Variants in PSMC2 observed in about 807,000 individuals in gnomAD.
PSMC2 encodes the protein 26S proteasome regulatory subunit 7.
In PSMC2, 7 loss-of-function variants were observed where a neutral mutation model predicts 53.3. The observed-to-expected ratio is 0.13, with a 90% CI of 0.07 to 0.25. The LOEUF is 0.25. Among genes scored for constraint, PSMC2 ranks in the 10% least tolerant of loss-of-function variants. The pLI, the probability that PSMC2 is intolerant of heterozygous loss-of-function variation, is 1.00. For synonymous variants in PSMC2, 169 were observed against 183.9 expected, an observed-to-expected ratio of 0.92 and a Z score of 0.66; for missense variants, 241 against 544.0, an observed-to-expected ratio of 0.44 and a Z score of 5.54.
chr7:103,365,957 G>C, intron 8 of PSMC2, 119 bp from the exon 9 acceptor site: 1 of 776,988 alleles, frequency 1.3e-6, no homozygotes, highest in Non-Finnish European at 2.0e-6. Flanking sequence ...AAACGTTTAG[G>C]TAATAATGGG....
At chr7:103,357,911 G>T (rs1338746435) in intron 4 of PSMC2, among the ~76,000 whole-genome samples, 2 of 152,044 alleles carry the variant, frequency 1.3e-5, no homozygotes, top group Middle Eastern at 6.8e-3. Flanking sequence ...GTGTTCTCTC[G>T]GTTTCATTTT....
chr7:103,347,790 A>G lies in PSMC2; in HGVS notation c.70+9A>G. 1 of 1,613,770 alleles carries G rather than the reference A, an allele frequency of 6.2e-7. No homozygotes were observed. The highest frequency in any genetic ancestry group is 8.5e-7 in the Non-Finnish European group (1 of 1,179,782). Reference sequence around the variant, plus strand: ...CGACAAGCCCATCCGAGGTCAGTTGACATGGGCCGGAGCTCGGAGCTGGGG... The same window carrying G: ...CGACAAGCCCATCCGAGGTCAGTTGGCATGGGCCGGAGCTCGGAGCTGGGG... On this transcript the variant is annotated intron_variant, in intron 1 of 11. Coordinates refer to ENST00000292644, the MANE Select transcript of PSMC2 (RefSeq NM_002803.4).
Position 103,362,744 on chromosome 7 carries a change from G to A in PSMC2, c.481G>A (p.Val161Ile). The A allele has an allele frequency of 6.4e-7, 1 of 1,571,596 alleles. No individual in the cohort carries two copies. Among genetic ancestry groups the A allele is most frequent in the Non-Finnish European group, 8.7e-7 (1 of 1,145,484 alleles). The change falls in exon 6 of 12, where the codon GTT becomes ATT. Residue 161 changes from valine (V) to isoleucine (I), a missense_variant. This residue lies in a region of PSMC2 where 75 missense variants were observed against 185.1 expected (regional missense o/e 0.41). Coordinates refer to ENST00000292644, the MANE Select transcript of PSMC2 (RefSeq NM_002803.4). ...IPLPPKIDPT[V>I]TMMQVEEKPD... Reference sequence around the variant, plus strand: ...ATTGCCTCCTAAGATTGACCCAACAGTTACCATGATGCAGGTAAGAAACTA... The same window carrying A: ...ATTGCCTCCTAAGATTGACCCAACAATTACCATGATGCAGGTAAGAAACTA...
chr7:103,362,484 C>T, intron 5 of PSMC2: 5 of 1,401,206 alleles, frequency 3.6e-6, no homozygotes, highest in Non-Finnish European at 4.6e-6. Context: ...GGTTTGATTG[C>T]TGTTGGATAG....
At chr7:103,361,510 C>CAAAAA (rs759044767) in intron 4 of PSMC2, among the ~76,000 whole-genome samples, 44 of 51,016 alleles carry the variant, frequency 8.6e-4, no homozygotes, top group Middle Eastern at 0.019. Context: ...AACTCCATCT[C>CAAAAA]AAAAAAAAAA....
At position 103,360,036 on chromosome 7, in the gene PSMC2, G is replaced by A. The variant is rs141383345; in HGVS notation, c.291-1921G>A. Among the ~76,000 whole-genome samples the A allele has an allele frequency of 2.8e-3, 421 of 151,362 alleles. 9 individuals carry two copies. The highest frequency in any genetic ancestry group is 0.025 in the Admixed American group (387 of 15,220). ...GCGGAAGTTGCAGTGAGTCAAGATC[G>A]CGCCACTGCACTCCAGCCTGGGCAG... On this transcript the variant is annotated intron_variant, in intron 4 of 11. Coordinates refer to ENST00000292644, the MANE Select transcript of PSMC2 (RefSeq NM_002803.4).
chr7:103,360,603 G>C (rs572056600), intron 4 of PSMC2, among the ~76,000 whole-genome samples: 1 of 152,118 alleles, frequency 6.6e-6, no homozygotes, highest in Admixed American at 6.6e-5. Flanking sequence ...ACCTATGTGC[G>C]CACTCCACAG....
intron 1 of PSMC2, chr7:103,348,475 T>A: frequency 1.8e-6 from 1 of 542,484 alleles, no homozygotes. Context: ...CCTCTGCATC[T>A]GCATAGTATC....
intron 7 of PSMC2, among the ~76,000 whole-genome samples, chr7:103,363,712 T>A (rs1820540104): frequency 6.6e-6 from 1 of 152,190 alleles, no homozygotes; most frequent in African/African-American, 2.4e-5. Flanking sequence ...GTTAAATATG[T>A]TACAGGCTAT....
intron 1 of PSMC2, among the ~76,000 whole-genome samples, chr7:103,352,109 C>G (rs1819757229): frequency 6.7e-6 from 1 of 148,738 alleles, no homozygotes; most frequent in African/African-American, 2.5e-5. Flanking sequence ...AAACCTCCAT[C>G]TACTTAATTT....
chr7:103,352,945 G>A (rs1240792837), intron 1 of PSMC2: 1 of 780,790 alleles, frequency 1.3e-6, no homozygotes, highest in Admixed American at 1.7e-5. Context: ...AGAGGGTAGA[G>A]TGACTTGTTC....
At chr7:103,362,403 G>A (rs908229155) in intron 5 of PSMC2, 4 of 1,340,182 alleles carry the variant, frequency 3.0e-6, no homozygotes, top group Non-Finnish European at 3.8e-6. Flanking sequence ...GATGCTAAGT[G>A]TGTTAATGTC....
At chr7:103,362,470 C>A in intron 5 of PSMC2, 1 of 1,389,966 alleles carries the variant, frequency 7.2e-7, no homozygotes, top group Non-Finnish European at 9.3e-7. Context: ...CCTCCCTCCT[C>A]AAAGGTTTGA....
rs1420656972 is a variant in PSMC2 at position 103,367,334 on chromosome 7, A to T, written c.845-79A>T. ...GCCTGAGGACATGATTTGAGCTGAG[A>T]TTTTTGGTACTTTCAGGTCATGCAT... On this transcript the variant is annotated intron_variant, in intron 9 of 11. Coordinates refer to ENST00000292644, the MANE Select transcript of PSMC2 (RefSeq NM_002803.4). This position sits in a 1 kb window ranked among gnomAD's most constrained non-coding sequence, Gnocchi z 6.1. 1.4e-6 allele frequency: 2 copies of T among 1,389,448 alleles called. No homozygotes were observed. Among genetic ancestry groups the T allele is most frequent in the Non-Finnish European group, 2.0e-6 (2 of 986,470 alleles). 86.1% of individuals were successfully genotyped at this position (1,389,448 alleles called of 1,614,324 possible).
At position 103,367,606 on chromosome 7, in the gene PSMC2, C is replaced by A; in HGVS notation, c.1038C>A (p.Pro346=). ...ATAGAAAAATTGAATTTAGCTTGCC[C>A]GATCTAGAGGTAAGAAAACCATTTC... is the stretch of plus-strand genomic sequence containing the variant. ...RLDRKIEFSL[P]DLEGRTHIFK... The change falls in exon 10 of 12, where the codon CCC becomes CCA. Residue 346 remains proline (P), a synonymous_variant. Transcript: ENST00000292644. This position sits in a 1 kb window ranked among gnomAD's most constrained non-coding sequence, Gnocchi z 6.1. 1.9e-6 allele frequency: 3 copies of A among 1,613,974 alleles called. No homozygotes were observed. The South Asian group carries it at 3.3e-5, about 18-fold the overall frequency.
intron 4 of PSMC2, among the ~76,000 whole-genome samples, chr7:103,357,348 G>A (rs1820096083): frequency 2.0e-5 from 3 of 149,772 alleles, no homozygotes; most frequent in Middle Eastern, 3.4e-3. Flanking sequence ...AAAAAGAAAA[G>A]AGTTAAACAG....
At chr7:103,364,926 G>GAA in intron 8 of PSMC2, among the ~76,000 whole-genome samples, 1 of 137,286 alleles carries the variant, frequency 7.3e-6, no homozygotes, top group South Asian at 2.3e-4. Context: ...GAGAAAGTGA[G>GAA]AACATAGGTT....
Position 103,353,976 on chromosome 7 carries a change from C to A in PSMC2, c.108+18C>A. The A allele has an allele frequency of 6.4e-7, 1 of 1,555,044 alleles. No homozygotes were observed. Among genetic ancestry groups the A allele is most frequent in the Non-Finnish European group, 8.8e-7 (1 of 1,135,904 alleles). ...AAACTTATGTAAGTCCTTTCAGTGT[C>A]TACAAACTATAGATGTTTTATGTTG... On this transcript the variant is annotated intron_variant, in intron 2 of 11. Transcript: ENST00000292644.
In PSMC2 at chr7:103,363,572, A is replaced by G. The variant is rs151232900; in HGVS notation, c.591+133A>G. On this transcript the variant is annotated intron_variant, in intron 7 of 11. Transcript: ENST00000292644. ...GAGAGTTTTTTGAGAGGGTGGAGAGAGGAGGTGTGGAGAGTTGGTAAGTTC... is the reference window on the plus strand; with the variant it reads ...GAGAGTTTTTTGAGAGGGTGGAGAGGGGAGGTGTGGAGAGTTGGTAAGTTC... 26 of 770,274 alleles carry G rather than the reference A, an allele frequency of 3.4e-5. No individual in the cohort carries two copies. The African/African-American group carries it at 4.2e-4, about 12-fold the overall frequency. The allele number at this position is 770,274 out of a possible 1,614,324, so 47.7% of individuals were successfully genotyped here.
Sources: allele counts gnomAD v4.1 joint callset (sites outside exome capture counted in the v4.1 genomes callset), GRCh38; gene constraint gnomAD v4.1.1; regional missense constraint gnomAD v4.1.1; non-coding constraint Gnocchi (gnomAD v3.1); transcripts MANE v1.5; gene names NCBI Gene and HGNC (gene_info 2026-07-23, HGNC 2026-07-21).